The following ITPR2 variants were observed in gnomAD, a reference collection of about 807,000 sequenced individuals.
ITPR2 encodes the protein inositol 1,4,5-trisphosphate-gated calcium channel ITPR2.
A neutral mutation model predicts 317.1 loss-of-function variants in ITPR2; 207 were observed. That is an observed-to-expected ratio of 0.65 (90% confidence interval 0.58 to 0.73). ITPR2 has a LOEUF of 0.73. Among genes scored for constraint, ITPR2 ranks in the 30% least tolerant of loss-of-function variants. The pLI is 0.00. For synonymous variants in ITPR2, 1,156 were observed against 1,149.1 expected (o/e 1.01, Z -0.12); for missense variants, 2,613 against 3,284.0 (o/e 0.80, Z 4.99).
At chr12:26,812,471 C>T (rs899612159) in intron 1 of ITPR2, among the ~76,000 whole-genome samples, 1 of 151,890 alleles carries the variant, frequency 6.6e-6, no homozygotes, top group Non-Finnish European at 1.5e-5. Flanking sequence ...CCCAGCTACT[C>T]GGGAGGCTGA....
At chr12:26,610,436 G>A (rs1350270313) in intron 26 of ITPR2, among the ~76,000 whole-genome samples, 1 of 152,118 alleles carries the variant, frequency 6.6e-6, no homozygotes, top group Non-Finnish European at 1.5e-5. Context: ...AAAAAGTAAT[G>A]AGATGTGGAG....
At position 26,831,776 on chromosome 12, in the gene ITPR2, C is replaced by A. The variant is rs1951109873; in HGVS notation, c.92+914G>T. Among the ~76,000 whole-genome samples, 1 of 98,660 alleles carries A rather than the reference C, an allele frequency of 1.0e-5. No individual in the cohort carries two copies. The highest frequency in any genetic ancestry group is 2.3e-5 in the Non-Finnish European group (1 of 44,042). 64.7% of individuals were successfully genotyped at this position (98,660 alleles called of 152,430 possible). On this transcript the variant is annotated intron_variant, in intron 1 of 56. Coordinates refer to ENST00000381340, the MANE Select transcript of ITPR2 (RefSeq NM_002223.4). The surrounding 1 kb of genome is among the most constrained non-coding windows in gnomAD (Gnocchi z 4.9). ...ATAAAATATATAAATATATATTCTA[C>A]ATAAAATATATAAATATATATTATA...
At chr12:26,493,553 A>G (rs558708842) in intron 39 of ITPR2, among the ~76,000 whole-genome samples, 2 of 152,334 alleles carry the variant, frequency 1.3e-5, no homozygotes, top group African/African-American at 4.8e-5. Context: ...AACAGCTAGA[A>G]AAGTGAATTT....
chr12:26,468,610 T>C (rs986439136), intron 45 of ITPR2, among the ~76,000 whole-genome samples: 4 of 151,314 alleles, frequency 2.6e-5, no homozygotes, highest in Non-Finnish European at 5.9e-5. Context: ...ACAAGAAACG[T>C]AAGCTCCAGT....
At chr12:26,585,925 AT>A (rs1350399492) in intron 32 of ITPR2, among the ~76,000 whole-genome samples, 1 of 152,154 alleles carries the variant, frequency 6.6e-6, no homozygotes, top group East Asian at 1.9e-4. Flanking sequence ...ATTGGATCTT[AT>A]TTTTTGTGTT....
chr12:26,369,483 T>C (rs547481425), intron 55 of ITPR2, among the ~76,000 whole-genome samples: 25 of 152,318 alleles, frequency 1.6e-4, no homozygotes, highest in African/African-American at 5.5e-4. Flanking sequence ...ATGGAATGAA[T>C]GTACATCGTG....
intron 45 of ITPR2, among the ~76,000 whole-genome samples, chr12:26,446,527 TAC>T (rs1399160178): frequency 6.6e-6 from 1 of 152,138 alleles, no homozygotes; most frequent in African/African-American, 2.4e-5. Flanking sequence ...CAAAAATTGC[TAC>T]AGTTATTTTA....
chr12:26,739,122 C>T (rs1045827503), intron 2 of ITPR2, among the ~76,000 whole-genome samples: 5 of 152,152 alleles, frequency 3.3e-5, no homozygotes, highest in African/African-American at 4.8e-5. Flanking sequence ...ACTACAAAAC[C>T]ACTAGAATGG....
Position 26,772,502 on chromosome 12 carries a change from TG to T in ITPR2, c.163+17654del, listed in dbSNP as rs1442036004. On this transcript the variant is annotated intron_variant, in intron 2 of 56. Transcript: ENST00000381340. ...TAATATATATAATACATATAATACA[TG>T]TATTATATATAATACATTATTATAT... Among the ~76,000 whole-genome samples, 162 of 118,048 alleles carry T rather than the reference TG, an allele frequency of 1.4e-3. 4 individuals carry two copies. Among genetic ancestry groups the T allele is most frequent in the Non-Finnish European group, 2.1e-3 (110 of 51,574 alleles). 77.4% of individuals were successfully genotyped at this position (118,048 alleles called of 152,430 possible).
chr12:26,721,632 C>T (rs1331775885), intron 5 of ITPR2, among the ~76,000 whole-genome samples: 1 of 152,108 alleles, frequency 6.6e-6, no homozygotes, highest in Non-Finnish European at 1.5e-5. Flanking sequence ...AGGACTATCA[C>T]GCAGTATTTT....
At position 26,473,291 on chromosome 12, in the gene ITPR2, T is replaced by C. The variant is rs73085245; in HGVS notation, c.6342+2005A>G. On this transcript the variant is annotated intron_variant, in intron 45 of 56. Transcript: ENST00000381340. ...ACTGTTACCCCTAAGACACTGGTCA[T>C]CTGAGACTGCTTTATTAAATTTCTT... 1.6e-3 allele frequency among the ~76,000 whole-genome samples: 245 copies of C among 152,354 alleles called. 1 individual carries two copies. In the Middle Eastern group the frequency reaches 0.02, roughly 13 times the overall value.
chr12:26,754,403 C>T (rs1949484407), intron 2 of ITPR2, among the ~76,000 whole-genome samples: 1 of 152,236 alleles, frequency 6.6e-6, no homozygotes, highest in African/African-American at 2.4e-5. Flanking sequence ...CTTCTGTCTG[C>T]TGTCCTAGGC....
At chr12:26,823,818 T>A (rs964889499) in intron 1 of ITPR2, among the ~76,000 whole-genome samples, 22 of 152,012 alleles carry the variant, frequency 1.4e-4, no homozygotes, top group Admixed American at 2.6e-4. Flanking sequence ...ATAAAAACAG[T>A]TGATTAAATT....
intron 13 of ITPR2, among the ~76,000 whole-genome samples, chr12:26,671,729 G>T (rs1374460094): frequency 1.3e-5 from 2 of 152,102 alleles, no homozygotes; most frequent in Non-Finnish European, 2.9e-5. Context: ...TGGACTAAAT[G>T]CTCCAATTAA....
At chr12:26,370,545 T>G (rs2136597241) in intron 55 of ITPR2, among the ~76,000 whole-genome samples, 1 of 152,354 alleles carries the variant, frequency 6.6e-6, no homozygotes, top group African/African-American at 2.4e-5. Flanking sequence ...CTTACCATTT[T>G]CTTTTGGGTT....
At chr12:26,653,278 C>G (rs1410308096) in intron 21 of ITPR2, among the ~76,000 whole-genome samples, 1 of 133,720 alleles carries the variant, frequency 7.5e-6, no homozygotes, top group African/African-American at 2.9e-5. Context: ...TGGAGTCTCA[C>G]TCTGTCGTCA....
At chr12:26,583,282 TTC>T (rs1297700386) in intron 32 of ITPR2, among the ~76,000 whole-genome samples, 6 of 152,188 alleles carry the variant, frequency 3.9e-5, no homozygotes, top group Non-Finnish European at 7.3e-5. Flanking sequence ...CATTTCTATC[TTC>T]TGTCATACAC....
chr12:26,733,012 T>A (rs1011621133), intron 2 of ITPR2, among the ~76,000 whole-genome samples: 1 of 152,226 alleles, frequency 6.6e-6, no homozygotes, highest in Non-Finnish European at 1.5e-5. Context: ...TCTATTAATG[T>A]ATTTAGCAAA....
rs544353888 is a variant in ITPR2 at position 26,545,372 on chromosome 12, G to T, written c.5073+4875C>A. ...CAGAGTAGGACGAGATGTGACAATTGTGGGAAGGGGGGCGGGAAATAGGGA... is the reference window on the plus strand; with the variant it reads ...CAGAGTAGGACGAGATGTGACAATTTTGGGAAGGGGGGCGGGAAATAGGGA... On this transcript the variant is annotated intron_variant, in intron 37 of 56. Coordinates refer to ENST00000381340, the MANE Select transcript of ITPR2 (RefSeq NM_002223.4). Among the ~76,000 whole-genome samples the T allele has an allele frequency of 2.0e-5, 3 of 152,182 alleles. No individual in the cohort carries two copies. In the South Asian group the frequency reaches 6.2e-4, roughly 32 times the overall value.
Sources: gnomAD v4.1 joint callset for allele counts (sites outside exome capture counted in the v4.1 genomes callset) on GRCh38, gnomAD v4.1.1 for gene constraint, Gnocchi (gnomAD v3.1) non-coding constraint, MANE v1.5 for transcripts, NCBI Gene and HGNC (gene_info 2026-07-23, HGNC 2026-07-21) for gene names.